Variants in SMYD2 observed in about 807,000 individuals in gnomAD.
The protein encoded by SMYD2 is N-lysine methyltransferase SMYD2.
A neutral mutation model predicts 59.1 loss-of-function variants in SMYD2; 53 were observed. The observed-to-expected ratio is 0.90, with a 90% confidence interval of 0.72 to 1.13. SMYD2 has a LOEUF of 1.13. Ranked by LOEUF, SMYD2 falls within the 50% of genes most tolerant of loss-of-function variation. The pLI, the probability that SMYD2 is intolerant of heterozygous loss-of-function variation, is 0.00. For missense variants in SMYD2, 494 were observed against 544.7 expected (o/e 0.91, Z 0.93); for synonymous variants, 208 against 198.8 (o/e 1.05, Z -0.39).
chr1:214,294,620 A>C (rs1656694023), intron 1 of SMYD2, among the ~76,000 whole-genome samples: 1 of 152,164 alleles, frequency 6.6e-6, no homozygotes, highest in Admixed American at 6.5e-5. Context: ...GTAGTGATCC[A>C]AGATTGTGCC....
At chr1:214,281,636 G>C (rs114950845) in intron 1 of SMYD2, among the ~76,000 whole-genome samples, 2,317 of 152,262 alleles carry the variant, frequency 0.015, 59 homozygotes, top group African/African-American at 0.053. Flanking sequence ...AAACAGGACC[G>C]GTGCCCCGCT....
At chr1:214,282,266 C>A (rs2047446) in intron 1 of SMYD2, among the ~76,000 whole-genome samples, 1 of 152,134 alleles carries the variant, frequency 6.6e-6, no homozygotes, top group East Asian at 1.9e-4. Flanking sequence ...TCTTGTCTTT[C>A]ACTTAATGGA....
intron 1 of SMYD2, among the ~76,000 whole-genome samples, chr1:214,294,117 A>G (rs1457307688): frequency 6.6e-6 from 1 of 152,222 alleles, no homozygotes; most frequent in Non-Finnish European, 1.5e-5. Context: ...CTCATGTGCA[A>G]GGTTTTACAG....
chr1:214,300,260 A>G (rs1047223847), intron 1 of SMYD2, among the ~76,000 whole-genome samples: 1 of 152,160 alleles, frequency 6.6e-6, no homozygotes, highest in Non-Finnish European at 1.5e-5. Context: ...GTGTTCTCTC[A>G]CCAGGTTCCT....
At chr1:214,314,254 T>C (rs540947854) in intron 2 of SMYD2, among the ~76,000 whole-genome samples, 1 of 152,286 alleles carries the variant, frequency 6.6e-6, no homozygotes, top group Non-Finnish European at 1.5e-5. Context: ...CCTAAATCTT[T>C]CCAGTGGTTG....
chr1:214,331,231 G>GT (rs1657348476), intron 9 of SMYD2, 161 bp downstream of exon 9: 1 of 1,020,922 alleles, frequency 9.8e-7, no homozygotes, highest in Middle Eastern at 2.1e-4. Context: ...CACCCACAAT[G>GT]TGGTGTCCAT....
At chr1:214,316,908 G>C (rs536702144) in intron 3 of SMYD2, among the ~76,000 whole-genome samples, 1 of 152,286 alleles carries the variant, frequency 6.6e-6, no homozygotes, top group South Asian at 2.1e-4. Flanking sequence ...TAGGATGACT[G>C]GGTGTGAGGT....
chr1:214,307,016 GA>G (rs1160251550), intron 2 of SMYD2, among the ~76,000 whole-genome samples: 1 of 152,110 alleles, frequency 6.6e-6, no homozygotes, highest in Non-Finnish European at 1.5e-5. Context: ...ACTAAAAATA[GA>G]AAAAAATTAG....
At position 214,332,185 on chromosome 1, in the gene SMYD2, C is replaced by G. The variant is rs1268478906; in HGVS notation, c.1105C>G (p.Pro369Ala). Reference sequence around the variant, plus strand: ...GCAATATGGACAGAAAATCATTAAGCCCTACAGGTGATTGCAGAGGCTGTT... The same window carrying G: ...GCAATATGGACAGAAAATCATTAAGGCCTACAGGTGATTGCAGAGGCTGTT... ...ALQYGQKIIK[P>A]YSKHYPLYSL... The change falls in exon 10 of 12, where the codon CCC becomes GCC. Residue 369 changes from proline (P) to alanine (A), a missense_variant. Physicochemically the swap from Pro to Ala is conservative, Grantham distance 27. Transcript: ENST00000366957. 1 of 1,613,872 alleles carries G rather than the reference C, an allele frequency of 6.2e-7. No individual in the cohort carries two copies. The highest frequency in any genetic ancestry group is 1.1e-5 in the South Asian group (1 of 91,044).
At chr1:214,281,527 A>C in intron 1 of SMYD2, 100 bp downstream of exon 1, 7 of 256,430 alleles carry the variant, frequency 2.7e-5, no homozygotes, top group Non-Finnish European at 3.0e-5. Context: ...GCGGGGTCCT[A>C]GCGCCGGCCC....
intron 1 of SMYD2, among the ~76,000 whole-genome samples, chr1:214,304,934 C>T (rs1293686777): frequency 3.9e-5 from 6 of 152,178 alleles, no homozygotes; most frequent in African/African-American, 1.4e-4. Context: ...TGTTGTCCCT[C>T]ATCTCTTTGG....
intron 8 of SMYD2, 97 bp downstream of exon 8, chr1:214,330,375 C>G: frequency 1.3e-6 from 1 of 772,548 alleles, no homozygotes; most frequent in Non-Finnish European, 2.0e-6. Flanking sequence ...CCTCTAGGAT[C>G]TTTTTGACCC....
chr1:214,301,769 TAAAAAA>T (rs56102481), intron 1 of SMYD2, among the ~76,000 whole-genome samples: 1 of 133,372 alleles, frequency 7.5e-6, no homozygotes. Flanking sequence ...TCTTTCAAGT[TAAAAAA>T]AAAAAAAAAA....
At chr1:214,332,294 C>T (rs771667112) in intron 10 of SMYD2, 102 bp downstream of exon 10, 50 of 1,374,696 alleles carry the variant, frequency 3.6e-5, no homozygotes, top group South Asian at 7.0e-5. Context: ...ACTTGCCTAG[C>T]GCAGCTGCCT....
At chr1:214,330,805 T>C in intron 8 of SMYD2, 145 bp from the exon 9 acceptor site, 3 of 1,233,406 alleles carry the variant, frequency 2.4e-6, no homozygotes, top group Non-Finnish European at 3.4e-6. Context: ...TTCAGATGCA[T>C]TGCCTGATTT....
intron 1 of SMYD2, among the ~76,000 whole-genome samples, chr1:214,290,097 G>T (rs897790937): frequency 2.0e-5 from 3 of 152,130 alleles, no homozygotes; most frequent in African/African-American, 7.2e-5. Context: ...GCCACCCTCC[G>T]CGGCTTCCTA....
At chr1:214,325,906 T>C (rs1657253023) in intron 6 of SMYD2, among the ~76,000 whole-genome samples, 1 of 151,846 alleles carries the variant, frequency 6.6e-6, no homozygotes, top group African/African-American at 2.4e-5. Context: ...GTCTCTGTTC[T>C]TAATATCTTA....
At chr1:214,294,338 C>G (rs1016820262) in intron 1 of SMYD2, among the ~76,000 whole-genome samples, 2 of 152,182 alleles carry the variant, frequency 1.3e-5, no homozygotes, top group African/African-American at 4.8e-5. Flanking sequence ...GAGAGAATCT[C>G]AACTCTTAAA....
intron 2 of SMYD2, among the ~76,000 whole-genome samples, chr1:214,311,800 C>T (rs1421943333): frequency 6.6e-6 from 1 of 152,172 alleles, no homozygotes; most frequent in Non-Finnish European, 1.5e-5. Context: ...CAAGGCACCA[C>T]CTGCAGTTCA....
Sources: gnomAD v4.1 joint callset for allele counts (sites outside exome capture counted in the v4.1 genomes callset) on GRCh38, gnomAD v4.1.1 for gene constraint, MANE v1.5 for transcripts, NCBI Gene and HGNC (gene_info 2026-07-23, HGNC 2026-07-21) for gene names.